Variants in IGSF5 observed in about 807,000 individuals in gnomAD.
IGSF5 encodes immunoglobulin superfamily 5 like.
In IGSF5, 41 loss-of-function variants were observed where a neutral mutation model predicts 39.4. The observed-to-expected ratio is 1.04, with a 90% CI of 0.81 to 1.35. The LOEUF is 1.35. Ranked by LOEUF, IGSF5 falls within the 40% of genes most tolerant of loss-of-function variation. The pLI, the probability that IGSF5 is intolerant of heterozygous loss-of-function variation, is 0.00. For synonymous variants in IGSF5, 183 were observed against 175.3 expected (o/e 1.04, Z -0.34); for missense variants, 487 against 494.6 (o/e 0.98, Z 0.15).
chr21:39,734,278 C>G, the IGSF5 span, among the ~76,000 whole-genome samples: 3 of 151,848 alleles, frequency 2.0e-5, no homozygotes, highest in Non-Finnish European at 4.4e-5. Flanking sequence ...CAAAAATTAG[C>G]TAGGCATTGT....
At chr21:39,730,019 C>T in the IGSF5 span, 1 of 152,206 alleles carries the variant, frequency 6.6e-6, no homozygotes, top group Non-Finnish European at 1.5e-5. Context: ...GCACCATAAC[C>T]TGGTGGCTTA....
At chr21:39,788,275 T>G (rs554711350) in intron 6 of IGSF5, 87 bp downstream of exon 6, 1 of 971,570 alleles carries the variant, frequency 1.0e-6, no homozygotes, top group East Asian at 2.5e-5. Context: ...TACACACAAC[T>G]GCGGGATTTT....
At chr21:39,725,393 G>A in the IGSF5 span, among the ~76,000 whole-genome samples, 1 of 152,136 alleles carries the variant, frequency 6.6e-6, no homozygotes, top group Admixed American at 6.5e-5. Context: ...TCTTTTTTCT[G>A]TGTGAAGTCA....
At chr21:39,737,964 G>A in the IGSF5 span, among the ~76,000 whole-genome samples, 1 of 152,206 alleles carries the variant, frequency 6.6e-6, no homozygotes, top group Non-Finnish European at 1.5e-5. Context: ...GAGAGATTCT[G>A]TTTACTCAAG....
chr21:39,787,091 G>A (rs112105834), intron 5 of IGSF5, among the ~76,000 whole-genome samples: 7 of 151,790 alleles, frequency 4.6e-5, no homozygotes, highest in South Asian at 2.1e-4. Context: ...ACATGTACCC[G>A]AAAACTTAAA....
At chr21:39,772,397 C>T (rs1286322428) in intron 4 of IGSF5, among the ~76,000 whole-genome samples, 1 of 152,188 alleles carries the variant, frequency 6.6e-6, no homozygotes, top group Non-Finnish European at 1.5e-5. Flanking sequence ...TAAGAGGTCC[C>T]ATGGCTGCCG....
intron 2 of IGSF5, among the ~76,000 whole-genome samples, chr21:39,763,938 G>A (rs543052372): frequency 3.3e-5 from 5 of 152,198 alleles, no homozygotes; most frequent in African/African-American, 1.2e-4. Context: ...GATTTGCCTT[G>A]AGGTCAGGGA....
chr21:39,737,201 C>T, the IGSF5 span, among the ~76,000 whole-genome samples: 1 of 151,468 alleles, frequency 6.6e-6, no homozygotes, highest in East Asian at 1.9e-4. Context: ...AAAAACCCCT[C>T]ACCACTCAAT....
the IGSF5 span, among the ~76,000 whole-genome samples, chr21:39,712,268 T>C: frequency 9.9e-5 from 15 of 152,202 alleles, no homozygotes; most frequent in African/African-American, 3.6e-4. Flanking sequence ...GTGCGGGATG[T>C]GATAGGACTG....
intron 2 of IGSF5, among the ~76,000 whole-genome samples, chr21:39,763,052 T>A (rs1008959365): frequency 6.6e-6 from 1 of 152,034 alleles, no homozygotes. Flanking sequence ...TTTACAGTTT[T>A]CTCCTATTCT....
intron 2 of IGSF5, among the ~76,000 whole-genome samples, chr21:39,752,257 T>G (rs1461098659): frequency 1.3e-5 from 2 of 152,172 alleles, no homozygotes; most frequent in Non-Finnish European, 2.9e-5. Context: ...TGAGAACATA[T>G]GATGTTTGGT....
chr21:39,715,972 A>C, the IGSF5 span, among the ~76,000 whole-genome samples: 1 of 152,198 alleles, frequency 6.6e-6, no homozygotes, highest in African/African-American at 2.4e-5. Flanking sequence ...CATTCAGTAT[A>C]TCACCCTGCA....
chr21:39,777,854 T>C lies in IGSF5; in HGVS notation c.719-1236T>C, dbSNP rs1050608590. Among the ~76,000 whole-genome samples the C allele has an allele frequency of 2.0e-5, 3 of 152,094 alleles. 1 individual carries two copies. The highest frequency in any genetic ancestry group is 1.5e-5 in the Non-Finnish European group (1 of 67,996). On this transcript the variant is annotated intron_variant, in intron 4 of 8. Coordinates refer to ENST00000380588, the MANE Select transcript of IGSF5 (RefSeq NM_001080444.2). Reference sequence around the variant, plus strand: ...TTGCAAGGTCAATTTTCCAGGAAAATTCTAAGGAAGAACATCTAAGAGCTG... The same window carrying C: ...TTGCAAGGTCAATTTTCCAGGAAAACTCTAAGGAAGAACATCTAAGAGCTG...
chr21:39,773,730 T>C (rs1039864856), intron 4 of IGSF5, among the ~76,000 whole-genome samples: 2 of 152,240 alleles, frequency 1.3e-5, no homozygotes, highest in Non-Finnish European at 2.9e-5. Context: ...GAACCAACCT[T>C]AAATATCATA....
At chr21:39,791,974 C>A in intron 6 of IGSF5, 34 bp from the exon 7 acceptor site, 1 of 1,441,320 alleles carries the variant, frequency 6.9e-7, no homozygotes, top group Non-Finnish European at 9.7e-7. Flanking sequence ...TTAATGCCAA[C>A]AATTAACATG....
At chr21:39,773,863 C>G (rs543354751) in intron 4 of IGSF5, among the ~76,000 whole-genome samples, 1 of 152,176 alleles carries the variant, frequency 6.6e-6, no homozygotes, top group African/African-American at 2.4e-5. Context: ...AACGAGGTAA[C>G]GATGCAGCAG....
chr21:39,772,795 T>C (rs1161280642), intron 4 of IGSF5, among the ~76,000 whole-genome samples: 1 of 152,222 alleles, frequency 6.6e-6, no homozygotes, highest in Non-Finnish European at 1.5e-5. Context: ...ATATAGGTAA[T>C]GTAATGTGGT....
At chr21:39,717,823 G>A in the IGSF5 span, among the ~76,000 whole-genome samples, 1 of 152,034 alleles carries the variant, frequency 6.6e-6, no homozygotes, top group Non-Finnish European at 1.5e-5. Flanking sequence ...GACTATTTGG[G>A]CTCTTTTTTG....
chr21:39,760,617 C>G (rs2080056535), intron 2 of IGSF5, among the ~76,000 whole-genome samples: 1 of 151,798 alleles, frequency 6.6e-6, no homozygotes, highest in Non-Finnish European at 1.5e-5. Context: ...TGTCGTCAGG[C>G]TGGAGTTCAG....
Sources: allele counts gnomAD v4.1 joint callset (sites outside exome capture counted in the v4.1 genomes callset), GRCh38; gene constraint gnomAD v4.1.1; transcripts MANE v1.5; gene names NCBI Gene and HGNC (gene_info 2026-07-23, HGNC 2026-07-21).